Variants in KAZN observed in about 807,000 individuals in gnomAD.
KAZN encodes the protein kazrin.
Under a neutral mutation model 87.4 loss-of-function variants are expected in KAZN, and 40 were observed. The ratio of observed to expected loss-of-function variants is 0.46; its 90% CI spans 0.36 to 0.60. The LOEUF (loss-of-function observed/expected upper bound fraction) is 0.60. Ranked by LOEUF, KAZN falls within the 20% of genes least tolerant of loss-of-function variation. The pLI, the probability that KAZN is intolerant of heterozygous loss-of-function variation, is 0.00. For missense variants in KAZN, 898 were observed against 1,073.9 expected (o/e 0.84, Z 2.29); for synonymous variants, 466 against 458.3 (o/e 1.02, Z -0.22).
At chr1:14,876,154 G>A (rs758472683) in intron 1 of KAZN, among the ~76,000 whole-genome samples, 17 of 152,200 alleles carry the variant, frequency 1.1e-4, no homozygotes, top group Non-Finnish European at 2.4e-4. Context: ...GAGGCTTGCC[G>A]CGGAGGTGAG....
At chr1:14,104,403 T>C (rs1644325336) in intron 1 of KAZN, among the ~76,000 whole-genome samples, 1 of 152,294 alleles carries the variant, frequency 6.6e-6, no homozygotes, top group East Asian at 1.9e-4. Flanking sequence ...CACAAGTGGA[T>C]GTGGTGATTT....
chr1:14,443,587 G>GT (rs1557725067), intron 2 of KAZN, among the ~76,000 whole-genome samples: 1 of 152,212 alleles, frequency 6.6e-6, no homozygotes, highest in Non-Finnish European at 1.5e-5. Context: ...CTCTGATGGG[G>GT]TACAATTATG....
intron 1 of KAZN, among the ~76,000 whole-genome samples, chr1:14,741,230 T>C (rs1644089955): frequency 6.6e-6 from 1 of 152,146 alleles, no homozygotes. Flanking sequence ...TGTGACATAA[T>C]CCAGAAGAGG....
At chr1:14,992,135 G>T (rs527342667) in intron 2 of KAZN, among the ~76,000 whole-genome samples, 1 of 152,188 alleles carries the variant, frequency 6.6e-6, no homozygotes, top group African/African-American at 2.4e-5. Context: ...GTCCATTACC[G>T]GGGCCCCAGC....
At chr1:15,072,721 G>A (rs1639568000) in intron 8 of KAZN, among the ~76,000 whole-genome samples, 1 of 152,202 alleles carries the variant, frequency 6.6e-6, no homozygotes, top group Non-Finnish European at 1.5e-5. Flanking sequence ...CTTGACTGGA[G>A]TCACACACCT....
intron 2 of KAZN, among the ~76,000 whole-genome samples, chr1:14,372,011 T>C (rs557020843): frequency 2.6e-5 from 4 of 152,336 alleles, no homozygotes; most frequent in African/African-American, 9.6e-5. Flanking sequence ...CACTTAGTCA[T>C]GTGAATAGTC....
chr1:14,710,129 T>C (rs1413937471), intron 1 of KAZN, among the ~76,000 whole-genome samples: 2 of 152,080 alleles, frequency 1.3e-5, no homozygotes, highest in African/African-American at 4.8e-5. Flanking sequence ...AAACAGATAA[T>C]AAACAATGAA....
At chr1:14,521,192 G>A (rs1671567022) in intron 2 of KAZN, among the ~76,000 whole-genome samples, 1 of 152,194 alleles carries the variant, frequency 6.6e-6, no homozygotes, top group Non-Finnish European at 1.5e-5. Flanking sequence ...CTTGGGGGCA[G>A]GGGTCTGATG....
intron 2 of KAZN, among the ~76,000 whole-genome samples, chr1:14,348,227 T>C (rs1433163346): frequency 6.6e-6 from 1 of 152,026 alleles, no homozygotes; most frequent in Non-Finnish European, 1.5e-5. Context: ...AATTTTTGTA[T>C]TTTTAGTAGA....
At chr1:13,893,673 C>G in exon 1 of KAZN, 1 of 1,550,414 alleles carries the variant, frequency 6.4e-7, no homozygotes, top group Non-Finnish European at 8.7e-7. Context: ...GCCATGGAAT[C>G]CACGCTGGCG....
At chr1:14,885,140 T>C (rs2101124208) in intron 1 of KAZN, among the ~76,000 whole-genome samples, 1 of 152,224 alleles carries the variant, frequency 6.6e-6, no homozygotes, top group South Asian at 2.1e-4. Flanking sequence ...AAAAATAACA[T>C]TACCTCCAGG....
intron 1 of KAZN, among the ~76,000 whole-genome samples, chr1:14,076,620 A>ATATG (rs1643470579): frequency 6.6e-6 from 1 of 152,132 alleles, no homozygotes; most frequent in Non-Finnish European, 1.5e-5. Flanking sequence ...ATGCTTCCAG[A>ATATG]TATGGCCAGA....
chr1:14,466,485 G>C (rs1668137828), intron 2 of KAZN, among the ~76,000 whole-genome samples: 1 of 151,972 alleles, frequency 6.6e-6, no homozygotes. Context: ...CACACACTGG[G>C]GCCTCTCAGG....
At chr1:14,253,121 G>GAAA (rs57180691) in intron 2 of KAZN, among the ~76,000 whole-genome samples, 1 of 122,322 alleles carries the variant, frequency 8.2e-6, no homozygotes. Context: ...AGAAAAAAGA[G>GAAA]AAAAAAAAAA....
intron 1 of KAZN, among the ~76,000 whole-genome samples, chr1:14,823,889 G>A (rs1016377767): frequency 2.0e-5 from 3 of 152,104 alleles, no homozygotes; most frequent in South Asian, 2.1e-4. Context: ...CAAGGCAGAC[G>A]GATCACCTGA....
chr1:14,248,768 C>T (rs923162689), intron 2 of KAZN, among the ~76,000 whole-genome samples: 3 of 152,190 alleles, frequency 2.0e-5, no homozygotes, highest in African/African-American at 7.2e-5. Context: ...ATGTCCCCTC[C>T]CCTGAATCAA....
At chr1:14,458,281 C>T (rs147338736) in intron 2 of KAZN, among the ~76,000 whole-genome samples, 10 of 152,304 alleles carry the variant, frequency 6.6e-5, no homozygotes, top group Non-Finnish European at 1.3e-4. Context: ...CCTTGCTAAA[C>T]TCTTTATTCA....
intron 5 of KAZN, among the ~76,000 whole-genome samples, chr1:15,058,242 C>T (rs1434108290): frequency 6.6e-6 from 1 of 152,224 alleles, no homozygotes; most frequent in Non-Finnish European, 1.5e-5. Context: ...TGGCATCCAT[C>T]CCCATGTTAC....
At chr1:14,127,449 A>C (rs1473753723) in intron 1 of KAZN, among the ~76,000 whole-genome samples, 1 of 150,528 alleles carries the variant, frequency 6.6e-6, no homozygotes, top group Non-Finnish European at 1.5e-5. Flanking sequence ...TATAAAAATA[A>C]AGGTTCACCT....
Sources: allele counts gnomAD v4.1 joint callset (sites outside exome capture counted in the v4.1 genomes callset), GRCh38; gene constraint gnomAD v4.1.1; transcripts MANE v1.5; gene names NCBI Gene and HGNC (gene_info 2026-07-23, HGNC 2026-07-21).